Variants in MYOM1 observed in about 807,000 individuals in gnomAD.
The protein encoded by MYOM1 is myomesin-1.
A neutral mutation model predicts 205.3 loss-of-function variants in MYOM1; 164 were observed. The ratio of observed to expected loss-of-function variants is 0.80; its 90% CI spans 0.70 to 0.91. The LOEUF is 0.91. Ranked by LOEUF, MYOM1 falls within the 40% of genes least tolerant of loss-of-function variation. MYOM1 has a pLI of 0.00. For synonymous variants in MYOM1, 772 were observed against 789.4 expected (o/e 0.98, Z 0.37); for missense variants, 2,011 against 2,127.3 (o/e 0.95, Z 1.08).
rs369977906 is a variant in MYOM1 at position 3,185,796 on chromosome 18, A to G, written c.929+1684T>C. On this transcript the variant is annotated intron_variant, in intron 5 of 37. Coordinates refer to ENST00000356443, the MANE Select transcript of MYOM1 (RefSeq NM_003803.4). The stretch of plus-strand genomic sequence containing the variant: ...TTTTTATTCTTTGGTTTTCAAACTC[A>G]GAAGCCCTGAAAAGAGTTTACATAC... Among the ~76,000 whole-genome samples the G allele has an allele frequency of 2.8e-4, 42 of 152,360 alleles. No individual in the cohort carries two copies. In the East Asian group the frequency reaches 5.8e-3, roughly 21 times the overall value.
At chr18:3,224,345 T>C (rs931771560), upstream of MYOM1, among the ~76,000 whole-genome samples, 2 of 152,222 alleles carry the variant, frequency 1.3e-5, no homozygotes, top group East Asian at 3.9e-4. Flanking sequence ...AGTTTGAATG[T>C]TGAGTGTATC....
At chr18:3,105,938 G>A (rs2079446235) in intron 22 of MYOM1, among the ~76,000 whole-genome samples, 1 of 152,200 alleles carries the variant, frequency 6.6e-6, no homozygotes, top group Non-Finnish European at 1.5e-5. Context: ...AATCACTGAA[G>A]TACATTGGTC....
At chr18:3,183,337 T>C (rs1313317638) in intron 5 of MYOM1, among the ~76,000 whole-genome samples, 1 of 152,232 alleles carries the variant, frequency 6.6e-6, no homozygotes, top group Non-Finnish European at 1.5e-5. Flanking sequence ...CTGACTTTAA[T>C]GAGGGATGTG....
intron 3 of MYOM1, among the ~76,000 whole-genome samples, chr18:3,192,024 G>C (rs995324800): frequency 6.6e-6 from 1 of 152,078 alleles, no homozygotes; most frequent in African/African-American, 2.4e-5. Context: ...CAGTGTATTT[G>C]TAAATGATCA....
chr18:3,091,729 A>G (rs1325640804), intron 26 of MYOM1, among the ~76,000 whole-genome samples: 1 of 151,438 alleles, frequency 6.6e-6, no homozygotes, highest in East Asian at 1.9e-4. Context: ...AGATTACATT[A>G]TTTATTTATT....
rs374462999 is a variant in MYOM1 at position 3,135,692 on chromosome 18, C to T, written c.2064G>A (p.Thr688=). 710 of 1,613,868 alleles carry T rather than the reference C, an allele frequency of 4.4e-4. 1 individual carries two copies. The highest frequency in any genetic ancestry group is 5.1e-4 in the Non-Finnish European group (600 of 1,179,860). ...AGCGGGGAGACTTCACAGGGAGCTC[C>T]GTGTTCACTCGCTGCCAGTTTTCTG... ...AGTENWQRVN[T]ELPVKSPRFA... is the part of the protein sequence containing the mutation. The change falls in exon 15 of 38, where the codon ACG becomes ACA. Residue 688 remains threonine, a synonymous_variant. Coordinates refer to ENST00000356443, the MANE Select transcript of MYOM1 (RefSeq NM_003803.4). The surrounding 1 kb of genome is among the most constrained non-coding windows in gnomAD (Gnocchi z 4.1).
intron 5 of MYOM1, among the ~76,000 whole-genome samples, chr18:3,178,603 C>T (rs937389270): frequency 6.6e-6 from 1 of 152,146 alleles, no homozygotes; most frequent in Non-Finnish European, 1.5e-5. Context: ...CCCTAAAGCA[C>T]GTTATTCATT....
chr18:3,196,658 T>C (rs2080992349), intron 2 of MYOM1, among the ~76,000 whole-genome samples: 1 of 152,228 alleles, frequency 6.6e-6, no homozygotes, highest in Non-Finnish European at 1.5e-5. Flanking sequence ...TACATCTTTT[T>C]GTACTCCCCC....
chr18:3,104,432 A>G (rs2079423575), intron 22 of MYOM1, among the ~76,000 whole-genome samples: 1 of 152,214 alleles, frequency 6.6e-6, no homozygotes, highest in South Asian at 2.1e-4. Flanking sequence ...GAAGTGAATC[A>G]TCCATATGCT....
rs893180779 is a variant in MYOM1, at chr18:3,195,847, CT to C, written c.291-1890del. ...TCTCACAAGTAAATCACAGGCGCTG[CT>C]TTTTTTTTTCTTTATGTCCTTCCAA... On this transcript the variant is annotated intron_variant, in intron 2 of 37. Transcript: ENST00000356443. 1.6e-3 allele frequency among the ~76,000 whole-genome samples: 239 copies of C among 148,870 alleles called. 1 individual carries two copies. Among genetic ancestry groups the C allele is most frequent in the Middle Eastern group, 3.5e-3 (1 of 284 alleles).
chr18:3,194,391 T>C (rs6506082), intron 2 of MYOM1, among the ~76,000 whole-genome samples: 82,499 of 152,120 alleles, frequency 0.54, 23,597 homozygotes, highest in African/African-American at 0.74. Flanking sequence ...TGTAGGACCC[T>C]TGGTTTACAC....
At chr18:3,212,277 G>T (rs1036428173) in intron 2 of MYOM1, among the ~76,000 whole-genome samples, 1 of 152,136 alleles carries the variant, frequency 6.6e-6, no homozygotes, top group Non-Finnish European at 1.5e-5. Flanking sequence ...ATAGTAGGAA[G>T]GAAAAAGTAA....
Position 3,126,899 on chromosome 18 carries a change from T to G in MYOM1, c.2795-2A>C. ...TATCACAGGGTGGAGATGGTGGTGCTGTAGCAATATGAATAGCTTGTGAGT... is the reference window on the plus strand; with the variant it reads ...TATCACAGGGTGGAGATGGTGGTGCGGTAGCAATATGAATAGCTTGTGAGT... On this transcript the variant is annotated splice_acceptor_variant, in intron 18 of 37. Coordinates refer to ENST00000356443, the MANE Select transcript of MYOM1 (RefSeq NM_003803.4). LOFTEE classifies it high-confidence loss of function. 1 of 1,604,420 alleles carries G rather than the reference T, an allele frequency of 6.2e-7. No individual in the cohort carries two copies. The highest frequency in any genetic ancestry group is 8.5e-7 in the Non-Finnish European group (1 of 1,175,044).
In MYOM1 at chr18:3,079,273, G is replaced by A. The variant is rs1567893818; in HGVS notation, c.4554C>T (p.Ile1518=). Residue 1518 remains isoleucine (I), a synonymous_variant, in exon 34 of 38, where the codon ATC becomes ATT. Transcript: ENST00000356443. The part of the protein sequence containing the change: ...GVTGEQIWLQ[I]NEPTPNDKGK... The stretch of plus-strand genomic sequence containing the variant: ...CTTTGTCATTCGGGGTGGGCTCGTT[G>A]ATTTGTAGCCAGATCTGCTCTCCAG... The A allele has an allele frequency of 6.2e-7, 1 of 1,613,956 alleles. No individual in the cohort carries two copies.
rs547286218 is a variant in MYOM1, at chr18:3,174,189, C to G, written c.1042G>C (p.Ala348Pro). ...EINGCDFEDT[A>P]QYRASAMNVK... The stretch of plus-strand genomic sequence containing the variant: ...TTCATCGCCGAGGCCCGGTACTGAG[C>G]TGTATCTTCAAAATCACATCTGAAA... Residue 348 changes from alanine to proline, a missense_variant, in exon 7 of 38, where the codon GCT becomes CCT. Ala to Pro is a conservative substitution (Grantham distance 27). Coordinates refer to ENST00000356443, the MANE Select transcript of MYOM1 (RefSeq NM_003803.4). 1 of 1,613,640 alleles carries G rather than the reference C, an allele frequency of 6.2e-7. No homozygotes were observed. Among genetic ancestry groups the G allele is most frequent in the Non-Finnish European group, 8.5e-7 (1 of 1,179,750 alleles).
chr18:3,186,438 A>C (rs1397539137), intron 5 of MYOM1, among the ~76,000 whole-genome samples: 1 of 152,192 alleles, frequency 6.6e-6, no homozygotes, highest in African/African-American at 2.4e-5. Flanking sequence ...AGAGAGTAAA[A>C]CTGAAATATC....
At position 3,151,732 on chromosome 18, in the gene MYOM1, A is replaced by T. The variant is rs2080224677; in HGVS notation, c.1805T>A (p.Val602Glu). ...TTTCTCAGCCGGATCCAGAGCAGCC[A>T]CGGGCTCGGAAACTCGAGATGGGAA... ...IGFPSRVSEPVAALDPAEKAR... is the reference protein window; with the variant it reads ...IGFPSRVSEPEAALDPAEKAR... Residue 602 changes from valine to glutamate, a missense_variant, in exon 12 of 38, where the codon GTG (valine) becomes GAG (glutamate). Coordinates refer to ENST00000356443, the MANE Select transcript of MYOM1 (RefSeq NM_003803.4). 1.9e-6 allele frequency: 3 copies of T among 1,613,758 alleles called. No individual in the cohort carries two copies. Among genetic ancestry groups the T allele is most frequent in the Non-Finnish European group, 2.5e-6 (3 of 1,179,816 alleles).
intron 11 of MYOM1, among the ~76,000 whole-genome samples, chr18:3,153,340 C>T (rs1411519009): frequency 6.6e-6 from 1 of 152,190 alleles, no homozygotes; most frequent in Non-Finnish European, 1.5e-5. Flanking sequence ...TGGTCTCGGG[C>T]CTCATTTCCT....
chr18:3,136,291 T>C (rs984455240), intron 14 of MYOM1, among the ~76,000 whole-genome samples: 1 of 152,214 alleles, frequency 6.6e-6, no homozygotes, highest in African/African-American at 2.4e-5. Flanking sequence ...CAGCGTTGTA[T>C]TGTTTGAAAA....
Sources: gnomAD v4.1 joint callset for allele counts (sites outside exome capture counted in the v4.1 genomes callset) on GRCh38, gnomAD v4.1.1 for gene constraint, Gnocchi (gnomAD v3.1) non-coding constraint, MANE v1.5 for transcripts, NCBI Gene and HGNC (gene_info 2026-07-23, HGNC 2026-07-21) for gene names.